Variants in MYO5B observed in about 807,000 individuals in gnomAD.
The protein encoded by MYO5B is myosin VB.
MYO5B carries 143 observed loss-of-function variants against 229.3 expected under a neutral mutation model. The ratio of observed to expected loss-of-function variants is 0.62; its 90% CI spans 0.54 to 0.72. MYO5B has a LOEUF of 0.72. Among genes scored for constraint, MYO5B ranks in the 30% least tolerant of loss-of-function variants. The probability of loss-of-function intolerance (pLI) is 0.00; values close to 1 mark genes in which losing one functional copy is unlikely to be tolerated. For synonymous variants in MYO5B, 918 were observed against 885.2 expected, an observed-to-expected ratio of 1.04 and a Z score of -0.66; for missense variants, 2,321 against 2,331.0, an observed-to-expected ratio of 1.00 and a Z score of 0.09.
intron 32 of MYO5B, 137 bp from the exon 33 acceptor site, chr18:49,847,426 G>A: frequency 9.4e-7 from 1 of 1,060,536 alleles, no homozygotes; most frequent in African/African-American, 1.6e-5. Context: ...GATGGCACCT[G>A]GGGCAGGGGG....
intron 1 of MYO5B, among the ~76,000 whole-genome samples, chr18:50,127,511 T>A (rs35564263): frequency 1.3e-5 from 2 of 151,876 alleles, no homozygotes; most frequent in Non-Finnish European, 2.9e-5. Flanking sequence ...AGGTAAGGAG[T>A]CCTCAGCTGA....
At chr18:49,970,312 C>T (rs2025677706) in intron 10 of MYO5B, among the ~76,000 whole-genome samples, 1 of 152,172 alleles carries the variant, frequency 6.6e-6, no homozygotes, top group South Asian at 2.1e-4. Flanking sequence ...GCTTGCTTTG[C>T]ACTTTTTGTG....
At chr18:50,009,868 G>T (rs112528920) in intron 4 of MYO5B, among the ~76,000 whole-genome samples, 1 of 152,206 alleles carries the variant, frequency 6.6e-6, no homozygotes. Context: ...GCACCTGGAG[G>T]CAGGGCACTT....
intron 21 of MYO5B, 124 bp downstream of exon 21, chr18:49,902,470 C>T: frequency 7.4e-7 from 1 of 1,342,580 alleles, no homozygotes; most frequent in Non-Finnish European, 1.0e-6. Flanking sequence ...CTGCTGTGGT[C>T]TGAGGACGTC....
chr18:50,120,689 T>C (rs936978707), intron 1 of MYO5B, among the ~76,000 whole-genome samples: 3 of 152,178 alleles, frequency 2.0e-5, no homozygotes, highest in African/African-American at 7.2e-5. Flanking sequence ...TCTTTGTATG[T>C]GATATGGAGA....
chr18:49,983,056 T>G (rs945769919), intron 8 of MYO5B, among the ~76,000 whole-genome samples: 1 of 152,190 alleles, frequency 6.6e-6, no homozygotes, highest in Non-Finnish European at 1.5e-5. Context: ...GCTCCAAACC[T>G]GCCCAACTCT....
Position 49,847,222 on chromosome 18 carries a change from C to G in MYO5B, c.4383G>C (p.Arg1461=). Reference sequence around the variant, plus strand: ...GCATGCCCTGGAAATCCTTCTCTTTCCGCTGGACCGTGACCTGCCTGTTGA... The same window carrying G: ...GCATGCCCTGGAAATCCTTCTCTTTGCGCTGGACCGTGACCTGCCTGTTGA... ...HELNRQVTVQ[R]KEKDFQGMLE... The change falls in exon 33 of 40, where the codon CGG becomes CGC. Residue 1461 remains arginine, a synonymous_variant. Coordinates refer to ENST00000285039, the MANE Select transcript of MYO5B (RefSeq NM_001080467.3). 6.2e-7 allele frequency: 1 copy of G among 1,614,164 alleles called. No homozygotes were observed. The highest frequency in any genetic ancestry group is 8.5e-7 in the Non-Finnish European group (1 of 1,180,048).
chr18:50,041,250 C>A (rs890770312), intron 2 of MYO5B, among the ~76,000 whole-genome samples: 1 of 152,174 alleles, frequency 6.6e-6, no homozygotes, highest in African/African-American at 2.4e-5. Context: ...AATTCTGATA[C>A]AGGTGGCTTT....
intron 1 of MYO5B, among the ~76,000 whole-genome samples, chr18:50,182,189 T>C (rs116558553): frequency 0.019 from 2,892 of 152,310 alleles, 86 homozygotes; most frequent in African/African-American, 0.066. Context: ...CTATGAGTAC[T>C]GTTATCTTTT....
At chr18:49,960,346 C>A (rs2144257291) in intron 12 of MYO5B, among the ~76,000 whole-genome samples, 1 of 152,296 alleles carries the variant, frequency 6.6e-6, no homozygotes, top group South Asian at 2.1e-4. Flanking sequence ...GAGGCTGCTT[C>A]CACAGCCCAA....
At chr18:49,842,456 T>G (rs2024069997) in intron 34 of MYO5B, among the ~76,000 whole-genome samples, 1 of 152,236 alleles carries the variant, frequency 6.6e-6, no homozygotes, top group Admixed American at 6.5e-5. Context: ...GACTCAGAGC[T>G]TTTGAGAATG....
At chr18:50,052,090 C>A (rs889786561) in intron 2 of MYO5B, among the ~76,000 whole-genome samples, 1 of 152,178 alleles carries the variant, frequency 6.6e-6, no homozygotes, top group African/African-American at 2.4e-5. Context: ...AATAGGAACA[C>A]TTTTACACTG....
At chr18:49,935,103 A>T (rs1309126598) in intron 16 of MYO5B, among the ~76,000 whole-genome samples, 1 of 152,102 alleles carries the variant, frequency 6.6e-6, no homozygotes. Flanking sequence ...AGAAAAGAGG[A>T]TCTGGAACAA....
intron 11 of MYO5B, 56 bp from the exon 12 acceptor site, chr18:49,962,462 C>G: frequency 6.2e-7 from 1 of 1,612,238 alleles, no homozygotes; most frequent in East Asian, 2.2e-5. Flanking sequence ...TAACATTCAC[C>G]TCCCCCAGGG....
At chr18:49,903,701 T>C (rs2024868960) in intron 20 of MYO5B, among the ~76,000 whole-genome samples, 1 of 152,242 alleles carries the variant, frequency 6.6e-6, no homozygotes, top group African/African-American at 2.4e-5. Flanking sequence ...CAGATGTTCA[T>C]TTAATGAAAA....
At chr18:49,879,115 A>C (rs775781778) in intron 23 of MYO5B, 25 bp from the exon 24 acceptor site, 2 of 1,614,070 alleles carry the variant, frequency 1.2e-6, no homozygotes, top group Non-Finnish European at 1.7e-6. Context: ...GCTAAGCTGC[A>C]GTTTTTCTGG....
At chr18:50,137,320 G>A (rs78664191) in intron 1 of MYO5B, among the ~76,000 whole-genome samples, 3,908 of 152,302 alleles carry the variant, frequency 0.026, 165 homozygotes, top group African/African-American at 0.089. Context: ...CCAGCACTGT[G>A]TAAGGCCCCA....
At chr18:50,110,587 C>T (rs1398967751) in intron 1 of MYO5B, among the ~76,000 whole-genome samples, 1 of 152,216 alleles carries the variant, frequency 6.6e-6, no homozygotes, top group Admixed American at 6.5e-5. Context: ...TGCCTCTCCT[C>T]TTAAATGTGC....
chr18:50,110,156 T>G (rs1352763603), intron 1 of MYO5B, among the ~76,000 whole-genome samples: 1 of 152,078 alleles, frequency 6.6e-6, no homozygotes, highest in East Asian at 1.9e-4. Flanking sequence ...CCACGCTGCT[T>G]CCTCCCTCAA....
Sources: allele counts gnomAD v4.1 joint callset (sites outside exome capture counted in the v4.1 genomes callset), GRCh38; gene constraint gnomAD v4.1.1; transcripts MANE v1.5; gene names NCBI Gene and HGNC (gene_info 2026-07-23, HGNC 2026-07-21).